Variants in BCAP31 observed in about 807,000 individuals in gnomAD.
The protein encoded by BCAP31 is B-cell receptor-associated protein 31.
For synonymous variants in BCAP31, 75 were observed against 80.9 expected, an observed-to-expected ratio of 0.93 and a Z score of 0.39; for missense variants, 124 against 193.0, an observed-to-expected ratio of 0.64 and a Z score of 2.12.
At chrX:153,718,126 G>T (rs2091641766) in intron 3 of BCAP31, among the ~76,000 whole-genome samples, 3 of 110,323 alleles carry the variant, frequency 2.7e-5, no homozygotes, top group African/African-American at 9.9e-5. Context: ...GACCAGCCTG[G>T]CCAACACGGT....
intron 4 of BCAP31, among the ~76,000 whole-genome samples, chrX:153,711,985 T>C (rs1300579125): frequency 9.6e-6 from 1 of 103,873 alleles, no homozygotes; most frequent in South Asian, 4.3e-4. Flanking sequence ...AGACAGATAA[T>C]AGGAGTGGCA....
rs554373477 is a variant in BCAP31 at position 153,716,147 on chromosome X, C to T, written c.194-458G>A. 1.2e-4 allele frequency among the ~76,000 whole-genome samples: 12 copies of T among 99,064 alleles called. No individual in the cohort carries two copies. The South Asian group carries it at 6.0e-3, about 49-fold the overall frequency. 86.0% of individuals were successfully genotyped at this position (99,064 alleles called of 115,157 possible). On this transcript the variant is annotated intron_variant, in intron 3 of 7. Coordinates refer to ENST00000345046, the MANE Select transcript of BCAP31 (RefSeq NM_001256447.2). ...AGCCACTGCACTCCAGACCGGGGGA[C>T]AAGAGCGAAACTCCATCTCAAAAAA...
intron 6 of BCAP31, 112 bp downstream of exon 6, chrX:153,702,823 C>A: frequency 9.4e-7 from 1 of 1,063,352 alleles, no homozygotes; most frequent in South Asian, 2.2e-5. Flanking sequence ...AGCCAGCCCT[C>A]GAGCGTGCGT....
chrX:153,716,166 C>CAA (rs781978720), intron 3 of BCAP31, among the ~76,000 whole-genome samples: 57 of 82,379 alleles, frequency 6.9e-4, no homozygotes, highest in African/African-American at 2.4e-3. Context: ...AACTCCATCT[C>CAA]AAAAAAAAAA....
At chrX:153,716,580 A>C (rs1044490124) in intron 3 of BCAP31, among the ~76,000 whole-genome samples, 1 of 90,208 alleles carries the variant, frequency 1.1e-5, no homozygotes, top group African/African-American at 5.6e-5. Context: ...TCTCTCAACA[A>C]AAAAAAAAAA....
At position 153,704,410 on chromosome X, in the gene BCAP31, T is replaced by C. The variant is rs1333454147; in HGVS notation, c.342-316A>G. On this transcript the variant is annotated intron_variant, in intron 4 of 7. Transcript: ENST00000345046. ...ACGCGGCACTTTCCGGGTCGGGGCC[T>C]AGACGTGCCAGACAAGCCACAGCAC... 2.7e-5 allele frequency among the ~76,000 whole-genome samples: 3 copies of C among 112,025 alleles called. No individual in the cohort carries two copies. The East Asian group carries it at 8.4e-4, about 31-fold the overall frequency.
In BCAP31 at chrX:153,700,496, G is replaced by A; in HGVS notation, c.*441C>T. 1.5e-5 allele frequency: 2 copies of A among 132,018 alleles called. No individual in the cohort carries two copies. Among genetic ancestry groups the A allele is most frequent in the Non-Finnish European group, 3.0e-5 (2 of 66,672 alleles). 10.9% of individuals were successfully genotyped at this position (132,018 alleles called of 1,213,427 possible). ...CAGCTGCAGTCACACACCGCACCAC[G>A]TACACACCATGACAACTTTTATTGC... On this transcript the variant is annotated 3_prime_UTR_variant, in exon 8 of 8. Transcript: ENST00000345046.
At chrX:153,702,861 C>G (rs1212303920) in intron 6 of BCAP31, 74 bp downstream of exon 6, 1 of 1,174,136 alleles carries the variant, frequency 8.5e-7, no homozygotes, top group African/African-American at 1.8e-5. Context: ...TACTTTGGCA[C>G]AAAATGGGCA....
At chrX:153,701,741 G>A (rs57438326) in intron 7 of BCAP31, among the ~76,000 whole-genome samples, 14 of 113,152 alleles carry the variant, frequency 1.2e-4, no homozygotes, top group East Asian at 2.8e-4. Context: ...CCATGGCTGC[G>A]CCTGAGCACG....
chrX:153,717,279 A>T (rs1406562139), intron 3 of BCAP31, among the ~76,000 whole-genome samples: 3 of 112,397 alleles, frequency 2.7e-5, no homozygotes, highest in Non-Finnish European at 5.6e-5. Flanking sequence ...ATATATTTAT[A>T]TTTGTCTCTA....
In BCAP31 at chrX:153,704,098, C is replaced by T. The variant is rs781961537; in HGVS notation, c.342-4G>A. On this transcript the variant is annotated splice_region_variant and splice_polypyrimidine_tract_variant and intron_variant, in intron 4 of 7. Coordinates refer to ENST00000345046, the MANE Select transcript of BCAP31 (RefSeq NM_001256447.2). ...AGTCACCAGGCGTCTAAGCAGGCTG[C>T]AATTATTTACAAAAAGAAGGGAGAA... The T allele has an allele frequency of 3.3e-6, 4 of 1,202,147 alleles. No individual in the cohort carries two copies. In the African/African-American group the frequency reaches 7.0e-5, roughly 21 times the overall value.
At chrX:153,721,124 T>G (rs918835888) in intron 2 of BCAP31, 152 bp from the exon 3 acceptor site, 2 of 462,803 alleles carry the variant, frequency 4.3e-6, no homozygotes, top group Admixed American at 7.6e-5. Flanking sequence ...ATTCTCTAAT[T>G]TGACATCCAT....
At chrX:153,722,823 C>T (rs2091676519) in intron 2 of BCAP31, among the ~76,000 whole-genome samples, 1 of 110,523 alleles carries the variant, frequency 9.0e-6, no homozygotes, top group Non-Finnish European at 1.9e-5. Flanking sequence ...CTTCCGAATC[C>T]CACGCTACCA....
chrX:153,701,647 G>A (rs1232251374), intron 7 of BCAP31, among the ~76,000 whole-genome samples: 1 of 112,560 alleles, frequency 8.9e-6, no homozygotes, highest in African/African-American at 3.2e-5. Flanking sequence ...TTTGCCCTAC[G>A]TCACTCCCCA....
chrX:153,723,526 G>A lies in BCAP31; in HGVS notation c.-44-238C>T, dbSNP rs782638238. The A allele has an allele frequency of 6.5e-4, 762 of 1,165,260 alleles. No homozygotes were observed. The highest frequency in any genetic ancestry group is 7.2e-4 in the Admixed American group (28 of 38,669). ...CAATTACCTGCCCCCTCCAGCACGT[G>A]TGTCAACACGTCCAGAGCGGCCTCT... On this transcript the variant is annotated intron_variant, in intron 1 of 7. Coordinates refer to ENST00000345046, the MANE Select transcript of BCAP31 (RefSeq NM_001256447.2).
chrX:153,719,091 C>G (rs958739370), intron 3 of BCAP31, among the ~76,000 whole-genome samples: 2 of 111,776 alleles, frequency 1.8e-5, no homozygotes, highest in Non-Finnish European at 3.8e-5. Flanking sequence ...AGCAGTTCCC[C>G]GATCCCAAAA....
At chrX:153,721,066 T>C in intron 2 of BCAP31, 94 bp from the exon 3 acceptor site, 1 of 735,206 alleles carries the variant, frequency 1.4e-6, no homozygotes, top group Non-Finnish European at 2.0e-6. Context: ...TTTGTACTCT[T>C]CTCCAATGGC....
intron 3 of BCAP31, among the ~76,000 whole-genome samples, chrX:153,717,416 G>A (rs1450247656): frequency 8.9e-6 from 1 of 112,066 alleles, no homozygotes; most frequent in Non-Finnish European, 1.9e-5. Flanking sequence ...GAGGAGCAAG[G>A]TATCACTGTA....
At chrX:153,723,970 G>A (rs1557051714) in intron 1 of BCAP31, 2 of 433,173 alleles carry the variant, frequency 4.6e-6, no homozygotes, top group Admixed American at 5.6e-5. Flanking sequence ...GGCCCCATAC[G>A]GAGAAAGTTC....
Sources: allele counts gnomAD v4.1 joint callset (sites outside exome capture counted in the v4.1 genomes callset), GRCh38; gene constraint gnomAD v4.1.1; transcripts MANE v1.5; gene names NCBI Gene and HGNC (gene_info 2026-07-23, HGNC 2026-07-21).